Variants in HBP1 observed in about 807,000 individuals in gnomAD.
The protein encoded by HBP1 is HMG box-containing protein 1.
In HBP1, 20 loss-of-function variants were observed where a neutral mutation model predicts 62.6. The observed-to-expected ratio is 0.32, with a 90% CI of 0.22 to 0.46. The LOEUF (loss-of-function observed/expected upper bound fraction) is 0.46. Among genes scored for constraint, HBP1 ranks in the 20% least tolerant of loss-of-function variants. HBP1 has a pLI of 1.00. For missense variants in HBP1, 480 were observed against 611.8 expected, an observed-to-expected ratio of 0.78 and a Z score of 2.27; for synonymous variants, 232 against 206.2, an observed-to-expected ratio of 1.12 and a Z score of -1.07.
At position 107,182,449 on chromosome 7, in the gene HBP1, A is replaced by T; in HGVS notation, c.246A>T (p.Ser82=). 6.2e-7 allele frequency: 1 copy of T among 1,613,470 alleles called. No individual in the cohort carries two copies. Among genetic ancestry groups the T allele is most frequent in the Non-Finnish European group, 8.5e-7 (1 of 1,179,414 alleles). The part of the protein sequence containing the change: ...SGMYQLSSDV[S]HQEYPRSSWN... ...TGTACCAGCTGAGTTCAGATGTTTCACATCAAGAATACCCAAGATCATCTT... is the reference window on the plus strand; with the variant it reads ...TGTACCAGCTGAGTTCAGATGTTTCTCATCAAGAATACCCAAGATCATCTT... Residue 82 remains serine, a synonymous_variant, in exon 3 of 11, where the codon TCA becomes TCT. Coordinates refer to ENST00000222574, the MANE Select transcript of HBP1 (RefSeq NM_012257.4).
At chr7:107,183,292 T>C (rs2115869250) in intron 3 of HBP1, among the ~76,000 whole-genome samples, 1 of 152,346 alleles carries the variant, frequency 6.6e-6, no homozygotes, top group African/African-American at 2.4e-5. Flanking sequence ...TGGAAAACGA[T>C]AGACCAGAGT....
intron 1 of HBP1, among the ~76,000 whole-genome samples, chr7:107,170,515 A>T (rs1026312293): frequency 3.3e-5 from 5 of 152,114 alleles, no homozygotes; most frequent in African/African-American, 1.2e-4. Context: ...AGTTCTTGCA[A>T]GGTAGACAGT....
chr7:107,194,923 C>CT (rs1392529600), intron 8 of HBP1, among the ~76,000 whole-genome samples: 1 of 152,164 alleles, frequency 6.6e-6, no homozygotes, highest in Non-Finnish European at 1.5e-5. Flanking sequence ...TTACAATGAA[C>CT]TTTATGTTAT....
At chr7:107,197,447 C>T (rs1797969716) in intron 9 of HBP1, among the ~76,000 whole-genome samples, 1 of 152,162 alleles carries the variant, frequency 6.6e-6, no homozygotes, top group African/African-American at 2.4e-5. Context: ...TGGCTCACTG[C>T]AACTTCTGCC....
chr7:107,179,419 G>A (rs1797005076), intron 1 of HBP1, among the ~76,000 whole-genome samples: 1 of 152,162 alleles, frequency 6.6e-6, no homozygotes. Context: ...ATGTTAAGGA[G>A]TCATCCGGGT....
chr7:107,185,988 G>T, intron 4 of HBP1, 46 bp downstream of exon 4: 2 of 1,441,452 alleles, frequency 1.4e-6, no homozygotes, highest in Non-Finnish European at 9.8e-7. Flanking sequence ...TTGTACAACA[G>T]TTGAAGTACA....
In HBP1 at chr7:107,179,951, G is replaced by A. The variant is rs761255063; in HGVS notation, c.58G>A (p.Val20Met). 6.2e-7 allele frequency: 1 copy of A among 1,611,278 alleles called. No individual in the cohort carries two copies. The highest frequency in any genetic ancestry group is 8.5e-7 in the Non-Finnish European group (1 of 1,177,602). Residue 20 changes from valine to methionine, a missense_variant, in exon 2 of 11, where the codon GTG becomes ATG. Val to Met is a conservative substitution (Grantham distance 21). Transcript: ENST00000222574. ...TAATGCAGTACAGAAACTCCTGTTG[G>A]TGATGGACAAGAGAGCCTCAGGAAT... ...MPNAVQKLLL[V>M]MDKRASGMND...
intron 6 of HBP1, among the ~76,000 whole-genome samples, chr7:107,187,576 T>TGAGAA (rs1797455772): frequency 6.6e-6 from 1 of 152,198 alleles, no homozygotes; most frequent in African/African-American, 2.4e-5. Context: ...GTCTCACTAT[T>TGAGAA]AAGTCTCTTG....
chr7:107,169,709 C>A, intron 1 of HBP1: 1 of 983,588 alleles, frequency 1.0e-6, no homozygotes, highest in Non-Finnish European at 1.2e-6. Flanking sequence ...CCCCGGGGCT[C>A]ATTGTTACGC....
At chr7:107,171,531 A>C (rs149037681) in intron 1 of HBP1, among the ~76,000 whole-genome samples, 3 of 152,112 alleles carry the variant, frequency 2.0e-5, no homozygotes, top group African/African-American at 7.2e-5. Flanking sequence ...AAATAAAAAT[A>C]CTGGTACTCC....
chr7:107,200,016 A>T, intron 9 of HBP1, 144 bp from the exon 10 acceptor site: 1 of 575,180 alleles, frequency 1.7e-6, no homozygotes, highest in Non-Finnish European at 2.9e-6. Context: ...AATGAGCATT[A>T]TGGCCTTGAC....
chr7:107,173,728 T>C (rs992904144), intron 1 of HBP1: 4 of 152,232 alleles, frequency 2.6e-5, no homozygotes, highest in Admixed American at 1.3e-4. Flanking sequence ...TGGGGCATTC[T>C]AAGAAAGTAA....
At chr7:107,176,060 C>T (rs1796834393) in intron 1 of HBP1, among the ~76,000 whole-genome samples, 1 of 147,718 alleles carries the variant, frequency 6.8e-6, no homozygotes, top group South Asian at 2.1e-4. Context: ...GAGTCTCGCT[C>T]TGTTGCCCAA....
intron 2 of HBP1, among the ~76,000 whole-genome samples, chr7:107,181,302 A>G (rs1180339211): frequency 6.6e-6 from 1 of 152,028 alleles, no homozygotes; most frequent in Non-Finnish European, 1.5e-5. Context: ...TATCATCTCT[A>G]CAAAAATTTT....
At chr7:107,171,073 A>ATATATTTTTTTT in intron 1 of HBP1, among the ~76,000 whole-genome samples, 1,117 of 87,168 alleles carry the variant, frequency 0.013, 83 homozygotes, top group Middle Eastern at 0.017. Flanking sequence ...ATATATATAT[A>ATATATTTTTTTT]TTTTTTTTTT....
chr7:107,185,359 G>A (rs1246653733), intron 3 of HBP1, among the ~76,000 whole-genome samples: 2 of 152,160 alleles, frequency 1.3e-5, no homozygotes, highest in Non-Finnish European at 1.5e-5. Flanking sequence ...AGTGATATGT[G>A]GTTGGTAGAT....
intron 1 of HBP1, among the ~76,000 whole-genome samples, chr7:107,177,860 T>C (rs980436633): frequency 6.6e-6 from 1 of 152,178 alleles, no homozygotes; most frequent in East Asian, 1.9e-4. Flanking sequence ...TCCAAAAAAA[T>C]TTTTTTTCCC....
chr7:107,171,091 G>A (rs561081774), intron 1 of HBP1, among the ~76,000 whole-genome samples: 575 of 46,204 alleles, frequency 0.012, 11 homozygotes, highest in Middle Eastern at 0.12. Context: ...TTTTTTTTGA[G>A]AGGGAGTCTC....
Position 107,192,184 on chromosome 7 carries a change from C to T in HBP1, c.1067+1867C>T, listed in dbSNP as rs79941523. ...TGGCACATAACAAAATCCAAACTTC[C>T]AAAAGGAAAGCAGGCATTCAGAGTA... On this transcript the variant is annotated intron_variant, in intron 8 of 10. Coordinates refer to ENST00000222574, the MANE Select transcript of HBP1 (RefSeq NM_012257.4). Among the ~76,000 whole-genome samples, 697 of 151,832 alleles carry T rather than the reference C, an allele frequency of 4.6e-3. 7 individuals carry two copies. The highest frequency in any genetic ancestry group is 0.016 in the African/African-American group (680 of 41,404).
Sources: allele counts gnomAD v4.1 joint callset (sites outside exome capture counted in the v4.1 genomes callset), GRCh38; gene constraint gnomAD v4.1.1; transcripts MANE v1.5; gene names NCBI Gene and HGNC (gene_info 2026-07-23, HGNC 2026-07-21).